Variants in PPP2R1A observed in about 807,000 individuals in gnomAD.
The protein encoded by PPP2R1A is serine/threonine-protein phosphatase 2A 65 kDa regulatory subunit A alpha isoform.
PPP2R1A carries 15 observed loss-of-function variants against 67.1 expected under a neutral mutation model. That is an observed-to-expected ratio of 0.22 (90% CI 0.15 to 0.34). The LOEUF is 0.34. PPP2R1A is among the 10% of genes least tolerant of loss of function. The pLI, the probability that PPP2R1A is intolerant of heterozygous loss-of-function variation, is 1.00. For missense variants in PPP2R1A, 369 were observed against 775.0 expected (o/e 0.48, Z 6.22); for synonymous variants, 337 against 325.0 (o/e 1.04, Z -0.40).
At chr19:52,215,941 G>T in intron 7 of PPP2R1A, 48 bp downstream of exon 7, 1 of 1,610,412 alleles carries the variant, frequency 6.2e-7, no homozygotes, top group East Asian at 2.2e-5. Context: ...GTATCCAAGG[G>T]GCTGGAGGTG....
chr19:52,222,321 C>G, intron 13 of PPP2R1A, 80 bp downstream of exon 13: 3 of 1,528,314 alleles, frequency 2.0e-6, no homozygotes, highest in Non-Finnish European at 2.6e-6. Flanking sequence ...AGGTAGAGCC[C>G]AGGGTCAGAG....
chr19:52,194,088 C>CAAAAAAAAAAAAAAAAAAAAAAA (rs915576804), intron 1 of PPP2R1A, among the ~76,000 whole-genome samples: 4 of 60,510 alleles, frequency 6.6e-5, no homozygotes, highest in South Asian at 7.3e-4. Context: ...ACCCTGTCTC[C>CAAAAAAAAAAAAAAAAAAAAAAA]AAAAAAAAAA....
intron 2 of PPP2R1A, among the ~76,000 whole-genome samples, chr19:52,205,408 T>C (rs2089592076): frequency 6.6e-6 from 1 of 152,064 alleles, no homozygotes; most frequent in South Asian, 2.1e-4. Context: ...GGCTCGCTGA[T>C]TATAGCCTAT....
chr19:52,224,996 C>T (rs960767100), intron 13 of PPP2R1A, among the ~76,000 whole-genome samples: 51 of 146,780 alleles, frequency 3.5e-4, no homozygotes, highest in Admixed American at 2.5e-3. Flanking sequence ...CCCCCGTGCT[C>T]GGCCTTGAGT....
chr19:52,212,595 T>G lies in PPP2R1A; in HGVS notation c.504-91T>G. 1 of 1,489,516 alleles carries G rather than the reference T, an allele frequency of 6.7e-7. No individual in the cohort carries two copies. The highest frequency in any genetic ancestry group is 9.1e-7 in the Non-Finnish European group (1 of 1,104,670). The allele number at this position is 1,489,516 out of a possible 1,614,324, so 92.3% of individuals were successfully genotyped here. A position where few individuals can be genotyped will look rare whatever the true frequency, so the allele number is the denominator to read the frequency against. On this transcript the variant is annotated intron_variant, in intron 4 of 14. Transcript: ENST00000322088. The surrounding 1 kb of genome is among the most constrained non-coding windows in gnomAD (Gnocchi z 4.1). ...CATCACTTGCCCAAGGTCATTCAGC[T>G]AAAACCTGGACCCACACAACTGCAG...
rs780001633 is a variant in PPP2R1A, at chr19:52,225,976, G to T, written c.1765G>T (p.Ala589Ser). 6.2e-7 allele frequency: 1 copy of T among 1,614,172 alleles called. No homozygotes were observed. ...TCCTGTTTTCCTAGTTCTGTCTCTC[G>T]CCTGATGCTGGAAGAGGAGCAAACA... ...AQEALTVLSL[A>S] is the part of the protein sequence containing the mutation. The change falls in exon 15 of 15, where the codon GCC becomes TCC. Residue 589 changes from alanine to serine, a missense_variant. Physicochemically the swap from Ala to Ser is moderately conservative, Grantham distance 99. Around this residue, in one of 2 missense-constraint regions of PPP2R1A, gnomAD observed 276 missense variants for 508.4 expected, o/e 0.54. Coordinates refer to ENST00000322088, the MANE Select transcript of PPP2R1A (RefSeq NM_014225.6).
chr19:52,198,979 G>T (rs1210218971), intron 1 of PPP2R1A, among the ~76,000 whole-genome samples: 2 of 152,134 alleles, frequency 1.3e-5, no homozygotes, highest in Non-Finnish European at 2.9e-5. Flanking sequence ...ATTATTAATT[G>T]TAATTATTCC....
chr19:52,201,144 A>G (rs533333585), intron 1 of PPP2R1A: 102 of 151,924 alleles, frequency 6.7e-4, no homozygotes, highest in Non-Finnish European at 1.2e-3. Context: ...CCCTCCGTTT[A>G]GGATGATATT....
chr19:52,198,155 TG>T (rs2089513095), intron 1 of PPP2R1A, among the ~76,000 whole-genome samples: 1 of 152,138 alleles, frequency 6.6e-6, no homozygotes, highest in African/African-American at 2.4e-5. Flanking sequence ...ACTTCACAGA[TG>T]AGAAAATTGA....
At chr19:52,200,784 A>G (rs2089539323) in intron 1 of PPP2R1A, among the ~76,000 whole-genome samples, 1 of 151,316 alleles carries the variant, frequency 6.6e-6, no homozygotes, top group African/African-American at 2.4e-5. Flanking sequence ...TGGTCTCTCC[A>G]CCCATCTTCA....
chr19:52,214,688 A>C (rs896936324), intron 6 of PPP2R1A, among the ~76,000 whole-genome samples: 39 of 150,850 alleles, frequency 2.6e-4, no homozygotes, highest in African/African-American at 9.3e-4. Flanking sequence ...GCGTCTTTCC[A>C]TGCCTGGTGC....
At chr19:52,193,358 G>A (rs1253247760) in intron 1 of PPP2R1A, among the ~76,000 whole-genome samples, 1 of 152,196 alleles carries the variant, frequency 6.6e-6, no homozygotes, top group African/African-American at 2.4e-5. Flanking sequence ...CTGTAGTCTT[G>A]ATTTATTTGT....
In PPP2R1A at chr19:52,222,726, A is replaced by C. The variant is rs113958322; in HGVS notation, c.1661+485A>C. Among the ~76,000 whole-genome samples, 937 of 152,296 alleles carry C rather than the reference A, an allele frequency of 6.2e-3. 10 individuals are homozygous for C. Among genetic ancestry groups the C allele is most frequent in the African/African-American group, 0.021 (877 of 41,564 alleles). ...CCCCGTCTCTAGTAAAAATACAAAA[A>C]ATTAGCCGGTGCGGTAGCACTCACC... is the stretch of plus-strand genomic sequence containing the variant. On this transcript the variant is annotated intron_variant, in intron 13 of 14. Transcript: ENST00000322088.
intron 3 of PPP2R1A, among the ~76,000 whole-genome samples, chr19:52,206,866 C>G (rs1167095916): frequency 6.6e-6 from 1 of 151,988 alleles, no homozygotes; most frequent in African/African-American, 2.4e-5. Flanking sequence ...TCTGCCTCTG[C>G]CCCACTCCCC....
Position 52,216,717 on chromosome 19 carries a change from C to T in PPP2R1A, c.1128+54C>T, listed in dbSNP as rs970541597. The T allele has an allele frequency of 1.0e-4, 165 of 1,612,132 alleles. No homozygotes were observed. The highest frequency in any genetic ancestry group is 3.6e-4 in the South Asian group (33 of 91,032). On this transcript the variant is annotated intron_variant, in intron 9 of 14. Transcript: ENST00000322088. This position sits in a 1 kb window ranked among gnomAD's most constrained non-coding sequence, Gnocchi z 4.3. ...TTTGTGGAGGGGACAGGCGGGTCTT[C>T]CTAGATTGCTAGGGTTTACCTAGAT... is the stretch of plus-strand genomic sequence containing the variant.
At chr19:52,192,162 G>A (rs1321711997) in intron 1 of PPP2R1A, among the ~76,000 whole-genome samples, 2 of 152,096 alleles carry the variant, frequency 1.3e-5, no homozygotes, top group South Asian at 2.1e-4. Context: ...GGCACAGCAA[G>A]TACAAAGTGG....
At chr19:52,193,262 C>T (rs16983538) in intron 1 of PPP2R1A, among the ~76,000 whole-genome samples, 2 of 152,210 alleles carry the variant, frequency 1.3e-5, no homozygotes, top group Admixed American at 1.3e-4. Context: ...GTGGGACACA[C>T]GGTTGCTGAT....
At chr19:52,193,715 G>A (rs1030207716) in intron 1 of PPP2R1A, among the ~76,000 whole-genome samples, 2 of 151,966 alleles carry the variant, frequency 1.3e-5, no homozygotes, top group African/African-American at 4.8e-5. Context: ...GATTAGAGGC[G>A]CCCACCACCA....
rs1267012822 is a variant in PPP2R1A at position 52,226,554 on chromosome 19, A to AT, written c.*574dup. 5.0e-6 allele frequency: 1 copy of AT among 201,484 alleles called. No homozygotes were observed. Among genetic ancestry groups the AT allele is most frequent in the African/African-American group, 2.3e-5 (1 of 43,360 alleles). 12.5% of individuals were successfully genotyped at this position (201,484 alleles called of 1,614,324 possible). A position where few individuals can be genotyped will look rare whatever the true frequency, so the allele number is the denominator to read the frequency against. On this transcript the variant is annotated 3_prime_UTR_variant, in exon 15 of 15. Coordinates refer to ENST00000322088, the MANE Select transcript of PPP2R1A (RefSeq NM_014225.6). ...TATGTCCCGAAAGAATACTCTGGGGATCCCCCCAGGAGTGCTGCTGGCCTT... is the reference window on the plus strand; with the variant it reads ...TATGTCCCGAAAGAATACTCTGGGGATTCCCCCCAGGAGTGCTGCTGGCCTT...
Sources: allele counts gnomAD v4.1 joint callset (sites outside exome capture counted in the v4.1 genomes callset), GRCh38; gene constraint gnomAD v4.1.1; regional missense constraint gnomAD v4.1.1; non-coding constraint Gnocchi (gnomAD v3.1); transcripts MANE v1.5; gene names NCBI Gene and HGNC (gene_info 2026-07-23, HGNC 2026-07-21).